RXRG: variants seen among roughly 807,000 people sequenced by gnomAD.
The protein encoded by RXRG is retinoic acid receptor RXR-gamma.
In RXRG, 19 loss-of-function variants were observed where a neutral mutation model predicts 49.2. That is an observed-to-expected ratio of 0.39 (90% CI 0.27 to 0.57). RXRG has a LOEUF of 0.57. RXRG is among the 20% of genes least tolerant of loss of function. The pLI, the probability that RXRG is intolerant of heterozygous loss-of-function variation, is 0.64. For synonymous variants in RXRG, 224 were observed against 216.6 expected, an observed-to-expected ratio of 1.03 and a Z score of -0.30; for missense variants, 452 against 592.5, an observed-to-expected ratio of 0.76 and a Z score of 2.46.
intron 4 of RXRG, among the ~76,000 whole-genome samples, chr1:165,413,464 CAT>C (rs1367656425): frequency 8.5e-5 from 13 of 152,148 alleles, no homozygotes; most frequent in Admixed American, 8.5e-4. Flanking sequence ...AAACTAGTAA[CAT>C]ATCTGAGGGC....
chr1:165,416,958 T>C, intron 4 of RXRG, 83 bp downstream of exon 4: 1 of 1,347,260 alleles, frequency 7.4e-7, no homozygotes, highest in Non-Finnish European at 1.0e-6. Flanking sequence ...GCACCATGAC[T>C]TCTCGTGTAT....
intron 2 of RXRG, among the ~76,000 whole-genome samples, chr1:165,423,930 A>G (rs1658402658): frequency 6.6e-6 from 1 of 152,196 alleles, no homozygotes; most frequent in African/African-American, 2.4e-5. Context: ...AACAGACTCA[A>G]GAGGATAATA....
chr1:165,428,931 G>C lies in RXRG; in HGVS notation c.85C>G (p.Pro29Ala), dbSNP rs1216711687. ...TTCCCTGTGGACAAGGCTGCTGATG[G>C]GCTCATGGATGTAGAGCCAGTGTGG... ...PGHTGSTSMS[P>A]SAALSTGKPM... The change falls in exon 2 of 10, where the codon CCA (proline) becomes GCA (alanine). Residue 29 changes from proline to alanine, a missense_variant. Around this residue, in one of 2 missense-constraint regions of RXRG, gnomAD observed 166 missense variants for 151.7 expected, o/e 1.09. Coordinates refer to ENST00000359842, the MANE Select transcript of RXRG (RefSeq NM_006917.5). 1 of 1,613,550 alleles carries C rather than the reference G, an allele frequency of 6.2e-7. No individual in the cohort carries two copies. The highest frequency in any genetic ancestry group is 1.3e-5 in the African/African-American group (1 of 74,904).
At chr1:165,427,739 G>A (rs948732545) in intron 2 of RXRG, among the ~76,000 whole-genome samples, 1 of 152,184 alleles carries the variant, frequency 6.6e-6, no homozygotes, top group East Asian at 1.9e-4. Context: ...ACCGTGCCCG[G>A]CCTGAATCAG....
At chr1:165,420,539 A>G (rs1475336621) in intron 2 of RXRG, among the ~76,000 whole-genome samples, 1 of 152,216 alleles carries the variant, frequency 6.6e-6, no homozygotes, top group African/African-American at 2.4e-5. Context: ...TGGGGTACAA[A>G]GGCAAAGAAA....
At chr1:165,421,043 G>C (rs968817102) in intron 2 of RXRG, among the ~76,000 whole-genome samples, 1 of 152,206 alleles carries the variant, frequency 6.6e-6, no homozygotes, top group African/African-American at 2.4e-5. Context: ...TGAATCAAAG[G>C]TATGATTTTC....
chr1:165,439,308 A>AG (rs1658910514), intron 1 of RXRG, among the ~76,000 whole-genome samples: 3 of 80,612 alleles, frequency 3.7e-5, no homozygotes, highest in African/African-American at 1.6e-4. Context: ...CGAGGGGAGG[A>AG]GGGGGGTGGA....
intron 4 of RXRG, among the ~76,000 whole-genome samples, chr1:165,415,199 T>C (rs1262496410): frequency 2.0e-5 from 3 of 152,018 alleles, no homozygotes; most frequent in East Asian, 1.9e-4. Flanking sequence ...AGCCATCAGA[T>C]ACCTGAAAAA....
Position 165,406,932 on chromosome 1 carries a change from T to G in RXRG, c.1139-15A>C, listed in dbSNP as rs1267535456. The G allele has an allele frequency of 6.3e-7, 1 of 1,581,850 alleles. No homozygotes were observed. The highest frequency in any genetic ancestry group is 1.7e-5 in the Admixed American group (1 of 59,962). ...GCCCTTGGCATCTAAAAGACATGAC[T>G]GAGTTAGCCTTTGATTACACACCCT... On this transcript the variant is annotated splice_polypyrimidine_tract_variant and intron_variant, in intron 8 of 9. Transcript: ENST00000359842.
chr1:165,419,142 A>G (rs2101722344), intron 3 of RXRG, among the ~76,000 whole-genome samples: 1 of 152,336 alleles, frequency 6.6e-6, no homozygotes. Context: ...GAAGCAAGGA[A>G]AGAAATAACT....
At chr1:165,408,362 C>T in intron 7 of RXRG, 44 bp from the exon 8 acceptor site, 1 of 1,409,154 alleles carries the variant, frequency 7.1e-7, no homozygotes, top group South Asian at 1.1e-5. Flanking sequence ...CCGTAAGTAA[C>T]AGGCCAAGAG....
chr1:165,417,396 A>G lies in RXRG; in HGVS notation c.443-176T>C, dbSNP rs191249765. ...GCTTGATCACAGGAACCAAACTAAG[A>G]CACAGCAAATACACTTGTCCTCGTG... On this transcript the variant is annotated intron_variant, in intron 3 of 9. Transcript: ENST00000359842. Among the ~76,000 whole-genome samples, 58 of 152,278 alleles carry G rather than the reference A, an allele frequency of 3.8e-4. No individual in the cohort carries two copies. The East Asian group carries it at 9.1e-3, about 24-fold the overall frequency.
chr1:165,433,633 T>C (rs1349192109), intron 1 of RXRG, among the ~76,000 whole-genome samples: 1 of 152,232 alleles, frequency 6.6e-6, no homozygotes, highest in Non-Finnish European at 1.5e-5. Flanking sequence ...TGGGTCTCAT[T>C]TCCCCCAGTA....
rs1658152032 is a variant in RXRG at position 165,417,170 on chromosome 1, T to C, written c.493A>G (p.Arg165Gly). 6.2e-7 allele frequency: 1 copy of C among 1,613,672 alleles called. No individual in the cohort carries two copies. The highest frequency in any genetic ancestry group is 8.5e-7 in the Non-Finnish European group (1 of 1,179,880). The change falls in exon 4 of 10, where the codon AGG (arginine) becomes GGG (glycine). Residue 165 changes from arginine to glycine, a missense_variant. This residue lies in a region of RXRG where 286 missense variants were observed against 440.9 expected (regional missense o/e 0.65). Transcript: ENST00000359842. The stretch of plus-strand genomic sequence containing the variant: ...TAGATGAGGTCCTTCCTTATCGTCC[T>C]CTTGAAGAACCCTTTGCAGCCTTCA... ...SCEGCKGFFKRTIRKDLIYTC... is the reference protein window; with the variant it reads ...SCEGCKGFFKGTIRKDLIYTC...
intron 7 of RXRG, among the ~76,000 whole-genome samples, chr1:165,408,955 A>G (rs1657847229): frequency 6.6e-6 from 1 of 152,126 alleles, no homozygotes; most frequent in South Asian, 2.1e-4. Flanking sequence ...TCTCACTCTC[A>G]AGTCATTAAC....
In RXRG at chr1:165,409,310, C is replaced by T. The variant is rs1279903286; in HGVS notation, c.1046+248G>A. Among the ~76,000 whole-genome samples the T allele has an allele frequency of 5.3e-5, 8 of 152,148 alleles. No homozygotes were observed. The East Asian group carries it at 1.5e-3, about 29-fold the overall frequency. On this transcript the variant is annotated intron_variant, in intron 7 of 9. Coordinates refer to ENST00000359842, the MANE Select transcript of RXRG (RefSeq NM_006917.5). ...AACTGTGCTGGCCTCTGAGTGGCTC[C>T]ATCTTATTGTGATCTCAATCTTTCT...
chr1:165,408,333 C>CA lies in RXRG; in HGVS notation c.1047-16dup. 6.3e-7 allele frequency: 1 copy of CA among 1,581,018 alleles called. No individual in the cohort carries two copies. Among genetic ancestry groups the CA allele is most frequent in the African/African-American group, 1.3e-5 (1 of 74,600 alleles). ...CAGTTAGGACTCTGTTAACAGGAAA[C>CA]AAGCAGGTAATGAGAAAACCGTAAG... On this transcript the variant is annotated splice_polypyrimidine_tract_variant and intron_variant, in intron 7 of 9. Transcript: ENST00000359842.
At chr1:165,406,582 CTA>C (rs1193227900) in intron 9 of RXRG, among the ~76,000 whole-genome samples, 2 of 152,194 alleles carry the variant, frequency 1.3e-5, no homozygotes, top group African/African-American at 4.8e-5. Flanking sequence ...AAGATGTGTA[CTA>C]TGTGTCGGGC....
At chr1:165,438,931 A>G (rs1236042985) in intron 1 of RXRG, among the ~76,000 whole-genome samples, 2 of 152,176 alleles carry the variant, frequency 1.3e-5, no homozygotes, top group Non-Finnish European at 2.9e-5. Context: ...TTTTCAAGCA[A>G]TTTAAAAAGC....
Sources: allele counts gnomAD v4.1 joint callset (sites outside exome capture counted in the v4.1 genomes callset), GRCh38; gene constraint gnomAD v4.1.1; regional missense constraint gnomAD v4.1.1; transcripts MANE v1.5; gene names NCBI Gene and HGNC (gene_info 2026-07-23, HGNC 2026-07-21).